The following CADPS2 variants were observed in gnomAD, a reference collection of about 807,000 sequenced individuals.
The protein encoded by CADPS2 is calcium-dependent secretion activator 2.
In CADPS2, 93 loss-of-function variants were observed where a neutral mutation model predicts 172.5. The observed-to-expected ratio is 0.54, with a 90% CI of 0.46 to 0.64. The LOEUF (loss-of-function observed/expected upper bound fraction) is 0.64. Ranked by LOEUF, CADPS2 falls within the 30% of genes least tolerant of loss-of-function variation. The pLI is 0.00. For synonymous variants in CADPS2, 546 were observed against 555.2 expected, an observed-to-expected ratio of 0.98 and a Z score of 0.23; for missense variants, 1,420 against 1,565.9, an observed-to-expected ratio of 0.91 and a Z score of 1.57.
intron 7 of CADPS2, among the ~76,000 whole-genome samples, chr7:122,561,685 C>T (rs1201478317): frequency 2.0e-5 from 3 of 152,050 alleles, no homozygotes; most frequent in African/African-American, 7.2e-5. Flanking sequence ...ATCTTTAAGA[C>T]ATTTTTTTTC....
intron 9 of CADPS2, among the ~76,000 whole-genome samples, chr7:122,494,298 C>T (rs574600340): frequency 1.6e-4 from 25 of 152,198 alleles, no homozygotes; most frequent in Middle Eastern, 6.8e-3. Flanking sequence ...TAGCAAGGAA[C>T]GTATCTCAAG....
intron 3 of CADPS2, among the ~76,000 whole-genome samples, chr7:122,639,829 T>C (rs2077423618): frequency 6.6e-6 from 1 of 152,180 alleles, no homozygotes; most frequent in Non-Finnish European, 1.5e-5. Context: ...GTCTGCAGCC[T>C]CTGACCTCTT....
rs115391586 is a variant in CADPS2, at chr7:122,789,750, A to G, written c.340-52682T>C. On this transcript the variant is annotated intron_variant, in intron 1 of 29. Coordinates refer to ENST00000449022, the MANE Select transcript of CADPS2 (RefSeq NM_017954.11). ...TAATTTGACTACATAAAACTTTAAA[A>G]CTTGTTTACAGAAACCAAAAATAAA... Among the ~76,000 whole-genome samples the G allele has an allele frequency of 2.7e-3, 410 of 152,348 alleles. 3 individuals carry two copies. The highest frequency in any genetic ancestry group is 9.5e-3 in the African/African-American group (393 of 41,582).
intron 6 of CADPS2, among the ~76,000 whole-genome samples, chr7:122,612,754 T>A (rs748762239): frequency 6.6e-6 from 1 of 152,022 alleles, no homozygotes; most frequent in Non-Finnish European, 1.5e-5. Flanking sequence ...AAAAGCAACA[T>A]AGGTGAAGGA....
chr7:122,692,214 G>C (rs1288709741), intron 2 of CADPS2, among the ~76,000 whole-genome samples: 1 of 152,078 alleles, frequency 6.6e-6, no homozygotes, highest in Admixed American at 6.5e-5. Context: ...TTACTTGCTT[G>C]ACTCCCGCAA....
At chr7:122,444,745 A>G (rs2151984739) in intron 15 of CADPS2, among the ~76,000 whole-genome samples, 1 of 152,190 alleles carries the variant, frequency 6.6e-6, no homozygotes, top group East Asian at 1.9e-4. Context: ...CTATTCTGCG[A>G]CTTAACTTTT....
At chr7:122,817,437 T>A (rs1223866536) in intron 1 of CADPS2, among the ~76,000 whole-genome samples, 1 of 152,108 alleles carries the variant, frequency 6.6e-6, no homozygotes, top group Non-Finnish European at 1.5e-5. Flanking sequence ...TTCCTTTCAT[T>A]TTCTGGGAGA....
intron 1 of CADPS2, among the ~76,000 whole-genome samples, chr7:122,782,592 C>G (rs913353111): frequency 9.9e-5 from 15 of 152,074 alleles, no homozygotes; most frequent in African/African-American, 3.1e-4. Flanking sequence ...CCCTGGGTGA[C>G]AGAGTGAGAC....
intron 7 of CADPS2, among the ~76,000 whole-genome samples, chr7:122,575,760 T>G (rs545987184): frequency 1.3e-5 from 2 of 152,272 alleles, no homozygotes; most frequent in South Asian, 4.1e-4. Context: ...TCTTAAACAG[T>G]ATATGCTGAG....
At chr7:122,745,650 C>A (rs867166340) in intron 1 of CADPS2, among the ~76,000 whole-genome samples, 1 of 149,634 alleles carries the variant, frequency 6.7e-6, no homozygotes, top group Admixed American at 6.6e-5. Flanking sequence ...GTAGATAAGG[C>A]CTAGCACATA....
intron 9 of CADPS2, among the ~76,000 whole-genome samples, chr7:122,501,847 C>G (rs956958254): frequency 1.4e-5 from 2 of 142,434 alleles, no homozygotes; most frequent in East Asian, 4.0e-4. Context: ...TGCACTCCAG[C>G]CTGGGCAACA....
intron 6 of CADPS2, among the ~76,000 whole-genome samples, chr7:122,611,977 G>A (rs2074356098): frequency 6.6e-6 from 1 of 152,034 alleles, no homozygotes; most frequent in East Asian, 1.9e-4. Context: ...CATCTCAATA[G>A]ATGTAGGAAA....
At chr7:122,458,592 T>C (rs762245535) in intron 14 of CADPS2, among the ~76,000 whole-genome samples, 9 of 152,228 alleles carry the variant, frequency 5.9e-5, no homozygotes, top group Non-Finnish European at 1.2e-4. Flanking sequence ...CTTCCTTGTC[T>C]GGATTTTGCA....
At chr7:122,324,226 T>C (rs2033330833) in intron 29 of CADPS2, among the ~76,000 whole-genome samples, 1 of 152,152 alleles carries the variant, frequency 6.6e-6, no homozygotes, top group Non-Finnish European at 1.5e-5. Flanking sequence ...GGTCTGGTTC[T>C]ACTTTCCAGT....
chr7:122,569,220 A>C (rs1358201551), intron 7 of CADPS2, among the ~76,000 whole-genome samples: 1 of 152,158 alleles, frequency 6.6e-6, no homozygotes, highest in African/African-American at 2.4e-5. Context: ...AATAACAAGC[A>C]TTCTTATACA....
intron 6 of CADPS2, among the ~76,000 whole-genome samples, chr7:122,587,492 C>T (rs2069926124): frequency 6.6e-6 from 1 of 152,090 alleles, no homozygotes; most frequent in African/African-American, 2.4e-5. Flanking sequence ...ATATATACCA[C>T]ATTTTCTTTA....
chr7:122,802,760 T>C (rs559232390), intron 1 of CADPS2, among the ~76,000 whole-genome samples: 1 of 152,184 alleles, frequency 6.6e-6, no homozygotes, highest in East Asian at 1.9e-4. Flanking sequence ...AGCAGCAATC[T>C]AAAAACCTAC....
chr7:122,802,215 C>G (rs759341277), intron 1 of CADPS2, among the ~76,000 whole-genome samples: 60 of 152,140 alleles, frequency 3.9e-4, no homozygotes, highest in Middle Eastern at 3.4e-3. Flanking sequence ...CCCTGATTAC[C>G]CTACAAATGC....
chr7:122,602,488 C>T (rs1356624905), intron 6 of CADPS2, among the ~76,000 whole-genome samples: 1 of 152,006 alleles, frequency 6.6e-6, no homozygotes, highest in African/African-American at 2.4e-5. Context: ...ATTGTATTGA[C>T]TTTGTGCTAA....
Sources: gnomAD v4.1 joint callset for allele counts (sites outside exome capture counted in the v4.1 genomes callset) on GRCh38, gnomAD v4.1.1 for gene constraint, MANE v1.5 for transcripts, NCBI Gene and HGNC (gene_info 2026-07-23, HGNC 2026-07-21) for gene names.